CPS1: variants seen among roughly 807,000 people sequenced by gnomAD.
CPS1 encodes carbamoyl-phosphate synthase 1.
In CPS1, 109 loss-of-function variants were observed where a neutral mutation model predicts 174.6. That is an observed-to-expected ratio of 0.62 (90% confidence interval 0.53 to 0.73). The LOEUF (loss-of-function observed/expected upper bound fraction) is 0.73. CPS1 is among the 30% of genes least tolerant of loss of function. CPS1 has a pLI of 0.00. For synonymous variants in CPS1, 637 were observed against 632.0 expected, an observed-to-expected ratio of 1.01 and a Z score of -0.12; for missense variants, 1,689 against 1,821.9, an observed-to-expected ratio of 0.93 and a Z score of 1.33.
At chr2:210,485,947 T>A (rs1194165088) in intron 1 of CPS1, among the ~76,000 whole-genome samples, 1 of 152,080 alleles carries the variant, frequency 6.6e-6, no homozygotes, top group Non-Finnish European at 1.5e-5. Context: ...TATTCTGCCC[T>A]TCTAATTTTA....
intron 23 of CPS1, among the ~76,000 whole-genome samples, chr2:210,639,714 GA>G (rs1256657345): frequency 6.7e-6 from 1 of 148,212 alleles, no homozygotes; most frequent in Non-Finnish European, 1.5e-5. Flanking sequence ...TTAAGATAAT[GA>G]AATCAAACAA....
chr2:210,515,589 C>G (rs978163263), intron 1 of CPS1, among the ~76,000 whole-genome samples: 5 of 151,350 alleles, frequency 3.3e-5, no homozygotes, highest in African/African-American at 1.2e-4. Context: ...TTTGATCTCT[C>G]TCTTTTTGTT....
At chr2:210,534,305 A>G (rs992407847) in intron 1 of CPS1, among the ~76,000 whole-genome samples, 1 of 152,132 alleles carries the variant, frequency 6.6e-6, no homozygotes, top group African/African-American at 2.4e-5. Context: ...TTGTGCTGGG[A>G]AAGGGATGAA....
rs1662584401 is a variant in CPS1, at chr2:210,677,980, G to T, written c.4498G>T (p.Ala1500Ser). The change falls in exon 38 of 38, where the codon GCA (alanine) becomes TCA (serine). Residue 1500 changes from alanine (A) to serine (S), a missense_variant. By Grantham distance (99) the Ala-to-Ser change is moderately conservative (BLOSUM62 1). Transcript: ENST00000233072. ...CAGGCAGTACAGTGCTGGAAAAGCA[G>T]CATAGAGATGCAGACACCCCAGCCC... ...HYRQYSAGKA[A>S] is the part of the protein sequence containing the mutation. 1 of 1,609,686 alleles carries T rather than the reference G, an allele frequency of 6.2e-7. No individual in the cohort carries two copies. The highest frequency in any genetic ancestry group is 8.5e-7 in the Non-Finnish European group (1 of 1,176,084).
chr2:210,519,221 A>T (rs900510957), intron 1 of CPS1, among the ~76,000 whole-genome samples: 1 of 152,038 alleles, frequency 6.6e-6, no homozygotes, highest in Non-Finnish European at 1.5e-5. Flanking sequence ...CAACTTCTGG[A>T]GAACTGATTG....
In CPS1 at chr2:210,504,890, G is replaced by T. The variant is rs553882065; in HGVS notation, c.3+27124G>T. The stretch of plus-strand genomic sequence containing the variant: ...TGTCTGCACAATCCTAAATAAATTT[G>T]GAAAGTGAACAATTGGGAGGACGAC... On this transcript the variant is annotated intron_variant, in intron 1 of 38. Transcript: ENST00000430249. Among the ~76,000 whole-genome samples the T allele has an allele frequency of 6.6e-5, 10 of 152,116 alleles. No individual in the cohort carries two copies. In the East Asian group the frequency reaches 1.9e-3, roughly 30 times the overall value.
chr2:210,645,749 C>T (rs146799124), intron 25 of CPS1, among the ~76,000 whole-genome samples: 31 of 152,296 alleles, frequency 2.0e-4, no homozygotes, highest in African/African-American at 7.5e-4. Flanking sequence ...TGCCACTGCA[C>T]TCCAGCGTTC....
At chr2:210,571,840 G>C (rs1697500153) in intron 1 of CPS1, among the ~76,000 whole-genome samples, 1 of 149,476 alleles carries the variant, frequency 6.7e-6, no homozygotes, top group African/African-American at 2.5e-5. Context: ...TGGAGTTCCT[G>C]CTGCCTACTA....
chr2:210,554,623 T>C (rs1696842833), upstream of CPS1, among the ~76,000 whole-genome samples: 2 of 151,896 alleles, frequency 1.3e-5, no homozygotes, highest in South Asian at 2.1e-4. Context: ...TATGACTGAT[T>C]TAAATTTATT....
intron 1 of CPS1, among the ~76,000 whole-genome samples, chr2:210,507,676 G>A (rs902994691): frequency 2.1e-4 from 32 of 150,766 alleles, no homozygotes; most frequent in Non-Finnish European, 4.4e-4. Flanking sequence ...TAAAGGGATG[G>A]AGGAAGATCT....
chr2:210,594,763 C>T (rs1443144899), intron 12 of CPS1, among the ~76,000 whole-genome samples, 157 bp downstream of exon 12: 1 of 151,810 alleles, frequency 6.6e-6, no homozygotes, highest in Non-Finnish European at 1.5e-5. Flanking sequence ...TTATTTGGTT[C>T]CTTCTTGATG....
chr2:210,673,050 G>A (rs1034969371), intron 34 of CPS1: 2 of 152,068 alleles, frequency 1.3e-5, no homozygotes, highest in African/African-American at 4.8e-5. Context: ...ACAGTTCCTA[G>A]TTTCTGACTC....
At chr2:210,606,620 A>T in intron 17 of CPS1, 111 bp from the exon 18 acceptor site, 2 of 1,014,662 alleles carry the variant, frequency 2.0e-6, no homozygotes, top group Non-Finnish European at 3.1e-6. Flanking sequence ...TATATATCCC[A>T]ACAAACCCTC....
At chr2:210,554,063 A>G (rs572099310), upstream of CPS1, among the ~76,000 whole-genome samples, 28 of 148,620 alleles carry the variant, frequency 1.9e-4, no homozygotes, top group East Asian at 5.3e-3. Context: ...ACCATAAAAT[A>G]TATATACATA....
chr2:210,618,081 C>T (rs1368823769), intron 21 of CPS1: 1 of 151,940 alleles, frequency 6.6e-6, no homozygotes, highest in Non-Finnish European at 1.5e-5. Context: ...TCGTTACAAC[C>T]AGAAGGCAGG....
At position 210,660,523 on chromosome 2, in the gene CPS1, C is replaced by T. The variant is rs1438414940; in HGVS notation, c.3795C>T (p.Pro1265=). ...ECNLRASRSF[P]FVSKTLGVDF... Reference sequence around the variant, plus strand: ...ACTTGAGAGCTTCTCGATCCTTCCCCTTTGTTTCCAAGACTCTTGGGGTTG... The same window carrying T: ...ACTTGAGAGCTTCTCGATCCTTCCCTTTTGTTTCCAAGACTCTTGGGGTTG... The change falls in exon 32 of 38, where the codon CCC becomes CCT. Residue 1265 remains proline, a synonymous_variant. Transcript: ENST00000233072. The T allele has an allele frequency of 1.9e-6, 3 of 1,614,008 alleles. No individual in the cohort carries two copies. The highest frequency in any genetic ancestry group is 2.2e-5 in the East Asian group (1 of 44,878).
At chr2:210,656,419 T>C (rs1331287148) in intron 29 of CPS1, 106 bp from the exon 30 acceptor site, 2 of 766,752 alleles carry the variant, frequency 2.6e-6, no homozygotes, top group East Asian at 5.1e-5. Context: ...AACTACTTAG[T>C]GCTCAGTGCA....
rs373841124 is a variant in CPS1 at position 210,660,524 on chromosome 2, T to C, written c.3796T>C (p.Phe1266Leu). 126 of 1,614,040 alleles carry C rather than the reference T, an allele frequency of 7.8e-5. No individual in the cohort carries two copies. The highest frequency in any genetic ancestry group is 1.7e-5 in the Admixed American group (1 of 60,008). The stretch of plus-strand genomic sequence containing the variant: ...CTTGAGAGCTTCTCGATCCTTCCCC[T>C]TTGTTTCCAAGACTCTTGGGGTTGA... ...CNLRASRSFP[F>L]VSKTLGVDFI... Residue 1266 changes from phenylalanine (F) to leucine (L), a missense_variant, in exon 32 of 38, where the codon TTT (phenylalanine) becomes CTT (leucine). Coordinates refer to ENST00000233072, the MANE Select transcript of CPS1 (RefSeq NM_001875.5).
At chr2:210,573,505 A>G in intron 2 of CPS1, 98 bp downstream of exon 2, 2 of 923,302 alleles carry the variant, frequency 2.2e-6, no homozygotes, top group South Asian at 2.7e-5. Flanking sequence ...GCATCGTAGT[A>G]AGACTACGTA....
Sources: allele counts gnomAD v4.1 joint callset (sites outside exome capture counted in the v4.1 genomes callset), GRCh38; gene constraint gnomAD v4.1.1; transcripts MANE v1.5; gene names NCBI Gene and HGNC (gene_info 2026-07-23, HGNC 2026-07-21).